NRG4: variants seen among roughly 807,000 people sequenced by gnomAD.
NRG4 encodes neuregulin 4.
In NRG4, 10 loss-of-function variants were observed where a neutral mutation model predicts 15.0. The observed-to-expected ratio is 0.67, with a 90% CI of 0.41 to 1.13. The LOEUF (loss-of-function observed/expected upper bound fraction) is 1.13, where lower values mean the gene tolerates loss of function less well. Ranked by LOEUF, NRG4 falls within the 50% of genes most tolerant of loss-of-function variation. The pLI is 0.00. For synonymous variants in NRG4, 41 were observed against 50.1 expected (o/e 0.82, Z 0.77); for missense variants, 139 against 140.2 (o/e 0.99, Z 0.04).
chr15:75,963,228 G>A (rs909785273), intron 3 of NRG4, among the ~76,000 whole-genome samples: 2 of 152,150 alleles, frequency 1.3e-5, no homozygotes, highest in Non-Finnish European at 2.9e-5. Context: ...ATAGCTTCCC[G>A]GGGCGGTATC....
intron 4 of NRG4, among the ~76,000 whole-genome samples, chr15:76,046,078 A>T (rs1206709673): frequency 6.6e-6 from 1 of 151,078 alleles, no homozygotes; most frequent in Non-Finnish European, 1.5e-5. Context: ...CACAAAAATT[A>T]AAAATAAAGC....
chr15:76,055,067 G>A (rs1848277467), intron 2 of NRG4, among the ~76,000 whole-genome samples: 1 of 152,168 alleles, frequency 6.6e-6, no homozygotes, highest in Admixed American at 6.5e-5. Context: ...ATCACTTGAA[G>A]TCAGGAGTTG....
At chr15:75,959,861 G>A (rs1452865697) in intron 4 of NRG4, among the ~76,000 whole-genome samples, 1 of 151,972 alleles carries the variant, frequency 6.6e-6, no homozygotes, top group Non-Finnish European at 1.5e-5. Context: ...GTCACTTCTG[G>A]GACAGATCAT....
chr15:75,979,785 C>T (rs1194652957), intron 3 of NRG4, among the ~76,000 whole-genome samples: 1 of 152,014 alleles, frequency 6.6e-6, no homozygotes, highest in Non-Finnish European at 1.5e-5. Flanking sequence ...CTAAATTTTG[C>T]TTTCATTACA....
At chr15:76,009,460 T>A (rs558088331) in intron 2 of NRG4, among the ~76,000 whole-genome samples, 167 bp from the exon 3 acceptor site, 1 of 152,336 alleles carries the variant, frequency 6.6e-6, no homozygotes, top group East Asian at 1.9e-4. Flanking sequence ...TTTGACAGAC[T>A]GGGACTTCTA....
downstream of NRG4, chr15:75,940,038 G>A (rs1196758128): frequency 6.6e-6 from 1 of 151,258 alleles, no homozygotes; most frequent in African/African-American, 2.4e-5. Flanking sequence ...AGACATCTAA[G>A]TTGGAAAGTA....
intron 5 of NRG4, among the ~76,000 whole-genome samples, chr15:76,029,846 C>T (rs1258519399): frequency 6.6e-6 from 1 of 152,128 alleles, no homozygotes; most frequent in African/African-American, 2.4e-5. Context: ...AATCATACTA[C>T]CCAAGGAAAC....
intron 5 of NRG4, among the ~76,000 whole-genome samples, chr15:76,021,965 T>C (rs1248642202): frequency 6.6e-6 from 1 of 152,198 alleles, no homozygotes; most frequent in Non-Finnish European, 1.5e-5. Flanking sequence ...TGGCATTAGA[T>C]TCCCATAAAG....
At chr15:76,056,326 G>A (rs776221797) in intron 2 of NRG4, among the ~76,000 whole-genome samples, 5 of 152,072 alleles carry the variant, frequency 3.3e-5, no homozygotes, top group African/African-American at 4.8e-5. Context: ...GTGTGCTGGC[G>A]CATGCCTGTA....
intron 3 of NRG4, among the ~76,000 whole-genome samples, chr15:75,970,650 T>A (rs2141831748): frequency 6.6e-6 from 1 of 152,294 alleles, no homozygotes; most frequent in South Asian, 2.1e-4. Flanking sequence ...TTAAACCTTC[T>A]CCCATCAGAG....
At chr15:76,011,107 T>C in intron 2 of NRG4, 114 bp downstream of exon 2, 1 of 922,808 alleles carries the variant, frequency 1.1e-6, no homozygotes, top group Non-Finnish European at 1.5e-6. Context: ...TTCACATCTC[T>C]TCCAATGATG....
At chr15:75,969,752 T>C (rs2033007666) in intron 3 of NRG4, among the ~76,000 whole-genome samples, 2 of 152,228 alleles carry the variant, frequency 1.3e-5, no homozygotes, top group African/African-American at 4.8e-5. Context: ...GATGTATCAG[T>C]TGTTACTGCT....
At chr15:76,026,904 T>G (rs182353143) in intron 5 of NRG4, among the ~76,000 whole-genome samples, 4 of 152,134 alleles carry the variant, frequency 2.6e-5, no homozygotes, top group Admixed American at 6.6e-5. Flanking sequence ...GGGTGGATCA[T>G]GAGGTCAGGA....
chr15:76,028,944 T>C (rs1456946359), intron 5 of NRG4, among the ~76,000 whole-genome samples: 1 of 137,636 alleles, frequency 7.3e-6, no homozygotes, highest in East Asian at 2.1e-4. Flanking sequence ...TAGCACATCA[T>C]AACTGTGATA....
At chr15:75,970,249 A>G (rs2033027205) in intron 3 of NRG4, among the ~76,000 whole-genome samples, 1 of 152,252 alleles carries the variant, frequency 6.6e-6, no homozygotes. Context: ...AGACCAAAAT[A>G]CAATTGAGAC....
chr15:76,039,678 T>C (rs528508203), intron 4 of NRG4, among the ~76,000 whole-genome samples: 1 of 151,904 alleles, frequency 6.6e-6, no homozygotes, highest in East Asian at 1.9e-4. Context: ...GAGAGAGGGG[T>C]AGAAACTTTA....
At chr15:75,960,451 T>A (rs1382323116) in intron 4 of NRG4, among the ~76,000 whole-genome samples, 1 of 152,216 alleles carries the variant, frequency 6.6e-6, no homozygotes, top group Non-Finnish European at 1.5e-5. Context: ...CATCTTTTGC[T>A]TGGGCTCTCT....
intron 5 of NRG4, among the ~76,000 whole-genome samples, 178 bp downstream of exon 5, chr15:75,955,754 A>G (rs985138470): frequency 5.3e-5 from 8 of 150,984 alleles, no homozygotes; most frequent in Non-Finnish European, 8.8e-5. Flanking sequence ...TGTCATACTG[A>G]TAATAAATTC....
chr15:76,021,973 A>T (rs1045695235), intron 5 of NRG4, among the ~76,000 whole-genome samples: 1 of 152,182 alleles, frequency 6.6e-6, no homozygotes, highest in Non-Finnish European at 1.5e-5. Flanking sequence ...GATTCCCATA[A>T]AGAGCACGCA....
Sources: gnomAD v4.1 joint callset for allele counts (sites outside exome capture counted in the v4.1 genomes callset) on GRCh38, gnomAD v4.1.1 for gene constraint, MANE v1.5 for transcripts, NCBI Gene and HGNC (gene_info 2026-07-23, HGNC 2026-07-21) for gene names.